Variants in SLC6A19 observed in about 807,000 individuals in gnomAD.
SLC6A19 encodes sodium-dependent neutral amino acid transporter B(0)AT1.
In SLC6A19, 67 loss-of-function variants were observed where a neutral mutation model predicts 68.3. The ratio of observed to expected loss-of-function variants is 0.98; its 90% confidence interval spans 0.81 to 1.20. The LOEUF is 1.20. Among genes scored for constraint, SLC6A19 ranks in the 50% most tolerant of loss-of-function variants. The pLI, the probability that SLC6A19 is intolerant of heterozygous loss-of-function variation, is 0.00. For missense variants in SLC6A19, 813 were observed against 851.6 expected (o/e 0.95, Z 0.56); for synonymous variants, 392 against 374.9 (o/e 1.05, Z -0.53).
intron 7 of SLC6A19, 39 bp downstream of exon 7, chr5:1,216,725 G>T (rs374706234): frequency 1.9e-6 from 3 of 1,613,472 alleles, no homozygotes; most frequent in Non-Finnish European, 2.5e-6. Context: ...CTTGGGCTGC[G>T]CCTCCAGGAA....
At chr5:1,220,795 C>A (rs1746355211) in intron 10 of SLC6A19, among the ~76,000 whole-genome samples, 1 of 152,204 alleles carries the variant, frequency 6.6e-6, no homozygotes, top group Non-Finnish European at 1.5e-5. Flanking sequence ...TTTCTGACTT[C>A]AGGGTGCTGC....
chr5:1,206,270 T>A (rs1325070940), intron 1 of SLC6A19, among the ~76,000 whole-genome samples: 2 of 152,086 alleles, frequency 1.3e-5, no homozygotes, highest in African/African-American at 4.8e-5. Context: ...GCCCTGTCTG[T>A]TTCTCTCCTC....
intron 1 of SLC6A19, among the ~76,000 whole-genome samples, chr5:1,204,333 C>T (rs1008515553): frequency 9.8e-5 from 15 of 152,328 alleles, no homozygotes; most frequent in Admixed American, 8.5e-4. Context: ...CAAACTCAGC[C>T]GCCCCACTCA....
chr5:1,201,762 A>T lies in SLC6A19; in HGVS notation c.112A>T (p.Lys38Ter), dbSNP rs1411775681. Residue 38 changes from lysine (K) to a stop codon, truncating the protein, a stop_gained, in exon 1 of 12, where the codon AAG (lysine) becomes TAG (stop). Coordinates refer to ENST00000304460, the MANE Select transcript of SLC6A19 (RefSeq NM_001003841.3). LOFTEE classifies it high-confidence loss of function. ...EASSRPKWDN[K>*]AQYMLTCLGF... ...CAGCTCCCGGCCGAAGTGGGACAACAAGGCGCAGTACATGCTCACCTGCCT... is the reference window on the plus strand; with the variant it reads ...CAGCTCCCGGCCGAAGTGGGACAACTAGGCGCAGTACATGCTCACCTGCCT... 3.7e-6 allele frequency: 6 copies of T among 1,612,692 alleles called. No homozygotes were observed. The highest frequency in any genetic ancestry group is 8.5e-7 in the Non-Finnish European group (1 of 1,179,918).
chr5:1,216,408 C>A, intron 6 of SLC6A19, 150 bp from the exon 7 acceptor site: 1 of 1,132,952 alleles, frequency 8.8e-7, no homozygotes, highest in Admixed American at 1.9e-5. Flanking sequence ...CGGAGTGGGG[C>A]AGGGGCTCCG....
chr5:1,206,987 C>G (rs912860936), intron 1 of SLC6A19, among the ~76,000 whole-genome samples: 7 of 152,194 alleles, frequency 4.6e-5, no homozygotes, highest in African/African-American at 1.7e-4. Flanking sequence ...TGTGCTCACC[C>G]CGGCTGCAGC....
At chr5:1,205,873 AG>A (rs1745837876) in intron 1 of SLC6A19, among the ~76,000 whole-genome samples, 1 of 152,148 alleles carries the variant, frequency 6.6e-6, no homozygotes, top group Non-Finnish European at 1.5e-5. Context: ...ACCCTCCCAT[AG>A]GGACCCGCTG....
Position 1,214,201 on chromosome 5 carries a change from C to T in SLC6A19, c.887+136C>T. On this transcript the variant is annotated intron_variant, in intron 6 of 11. Transcript: ENST00000304460. The surrounding 1 kb of genome is among the most constrained non-coding windows in gnomAD (Gnocchi z 7.4). ...GCTGCCCCGATGGGCCCGTTCCCTC[C>T]TGCTCGGGGTCCATGTGAGCTGAGT... is the stretch of plus-strand genomic sequence containing the variant. 1.3e-6 allele frequency: 2 copies of T among 1,492,656 alleles called. No individual in the cohort carries two copies. The highest frequency in any genetic ancestry group is 1.8e-6 in the Non-Finnish European group (2 of 1,112,980). 92.5% of individuals were successfully genotyped at this position (1,492,656 alleles called of 1,614,324 possible). A position where few individuals can be genotyped will look rare whatever the true frequency, so the allele number is the denominator to read the frequency against.
rs1161871537 is a variant in SLC6A19 at position 1,204,155 on chromosome 5, C to T, written c.202+2303C>T. On this transcript the variant is annotated intron_variant, in intron 1 of 11. Coordinates refer to ENST00000304460, the MANE Select transcript of SLC6A19 (RefSeq NM_001003841.3). Reference sequence around the variant, plus strand: ...GAGGGGAAGCAGGCAGCCAGGTCCTCCTGGTTCCCTCTTGGAAGCCTCCTG... The same window carrying T: ...GAGGGGAAGCAGGCAGCCAGGTCCTTCTGGTTCCCTCTTGGAAGCCTCCTG... Among the ~76,000 whole-genome samples the T allele has an allele frequency of 2.0e-5, 3 of 152,228 alleles. No homozygotes were observed. In the East Asian group the frequency reaches 5.8e-4, roughly 29 times the overall value.
At chr5:1,208,921 G>T in intron 2 of SLC6A19, 35 bp downstream of exon 2, 1 of 1,592,446 alleles carries the variant, frequency 6.3e-7, no homozygotes. Flanking sequence ...CCGGGCCCAG[G>T]GGTCGCCTCT....
At position 1,219,098 on chromosome 5, in the gene SLC6A19, G is replaced by A; in HGVS notation, c.1369G>A (p.Val457Met). 1 of 1,612,942 alleles carries A rather than the reference G, an allele frequency of 6.2e-7. No individual in the cohort carries two copies. Among genetic ancestry groups the A allele is most frequent in the Non-Finnish European group, 8.5e-7 (1 of 1,179,588 alleles). ...CATCCCCCCGAAGTGGCCCAAGGAG[G>A]TGCTCACAGGTACGTGTGCAGTCGG... ...RVIPPKWPKE[V>M]LTGLICLGTF... The change falls in exon 9 of 12, where the codon GTG becomes ATG. Residue 457 changes from valine (V) to methionine (M), a missense_variant. By Grantham distance (21) the Val-to-Met change is conservative. Coordinates refer to ENST00000304460, the MANE Select transcript of SLC6A19 (RefSeq NM_001003841.3).
rs754483645 is a variant in SLC6A19 at position 1,214,105 on chromosome 5, C to T, written c.887+40C>T. On this transcript the variant is annotated intron_variant, in intron 6 of 11. Transcript: ENST00000304460. This position sits in a 1 kb window ranked among gnomAD's most constrained non-coding sequence, Gnocchi z 7.4. ...GGTGGGCCTCAGTTTCCCTCTCAGT[C>T]CTGGGGGGATCTTGCTGGGAGGATA... is the stretch of plus-strand genomic sequence containing the variant. 5 of 1,613,204 alleles carry T rather than the reference C, an allele frequency of 3.1e-6. No individual in the cohort carries two copies. The South Asian group carries it at 4.4e-5, about 14-fold the overall frequency.
rs1746075602 is a variant in SLC6A19, at chr5:1,212,593, G to A, written c.663+109G>A. 7.1e-7 allele frequency: 1 copy of A among 1,409,286 alleles called. No individual in the cohort carries two copies. The highest frequency in any genetic ancestry group is 1.2e-5 in the South Asian group (1 of 84,442). 87.3% of individuals were successfully genotyped at this position (1,409,286 alleles called of 1,614,324 possible). ...CCCAGGTCTGGGGGTCCCGGGCTCTGCCTTTCCCCAGACCCCACCAAGAGA... is the reference window on the plus strand; with the variant it reads ...CCCAGGTCTGGGGGTCCCGGGCTCTACCTTTCCCCAGACCCCACCAAGAGA... On this transcript the variant is annotated intron_variant, in intron 4 of 11. Transcript: ENST00000304460. This position sits in a 1 kb window ranked among gnomAD's most constrained non-coding sequence, Gnocchi z 5.1.
chr5:1,202,468 G>A (rs1176655176), intron 1 of SLC6A19, among the ~76,000 whole-genome samples: 1 of 152,228 alleles, frequency 6.6e-6, no homozygotes, highest in Non-Finnish European at 1.5e-5. Flanking sequence ...TGCTGGCACA[G>A]AGGTGACATT....
rs535269617 is a variant in SLC6A19 at position 1,205,007 on chromosome 5, G to A, written c.202+3155G>A. 3.9e-5 allele frequency among the ~76,000 whole-genome samples: 6 copies of A among 152,286 alleles called. No individual in the cohort carries two copies. The South Asian group carries it at 6.2e-4, about 16-fold the overall frequency. On this transcript the variant is annotated intron_variant, in intron 1 of 11. Transcript: ENST00000304460. ...CTACTTTTTCAAGGACAGACAGGAG[G>A]AACTGTTTCTGTGCCCAGTGTCTCT...
rs189416078 is a variant in SLC6A19, at chr5:1,215,664, G to A, written c.888-894G>A. On this transcript the variant is annotated intron_variant, in intron 6 of 11. Coordinates refer to ENST00000304460, the MANE Select transcript of SLC6A19 (RefSeq NM_001003841.3). The surrounding 1 kb of genome is among the most constrained non-coding windows in gnomAD (Gnocchi z 5.1). ...ATATCCATCCATGGACATTTTCCAC[G>A]TTTTGGCTGTCATGAGTCATGCTGA... 2.5e-4 allele frequency among the ~76,000 whole-genome samples: 38 copies of A among 152,330 alleles called. No individual in the cohort carries two copies. Among genetic ancestry groups the A allele is most frequent in the South Asian group, 8.3e-4 (4 of 4,824 alleles).
In SLC6A19 at chr5:1,209,064, C is replaced by T. The variant is rs1345587838; in HGVS notation, c.343+178C>T. ...CCTGGAGGCCTTTGGAAACTCCAGG[C>T]CACTCCTGTTCACCAGGAACCAGAC... On this transcript the variant is annotated intron_variant, in intron 2 of 11. Coordinates refer to ENST00000304460, the MANE Select transcript of SLC6A19 (RefSeq NM_001003841.3). This position sits in a 1 kb window ranked among gnomAD's most constrained non-coding sequence, Gnocchi z 5.5. 6.6e-6 allele frequency among the ~76,000 whole-genome samples: 1 copy of T among 152,188 alleles called. No individual in the cohort carries two copies. The highest frequency in any genetic ancestry group is 1.5e-5 in the Non-Finnish European group (1 of 68,026).
chr5:1,208,314 C>T (rs1020115086), intron 1 of SLC6A19, among the ~76,000 whole-genome samples: 5 of 152,144 alleles, frequency 3.3e-5, no homozygotes, highest in Admixed American at 6.6e-5. Context: ...CTGGCACAGG[C>T]GGGGCAGGAG....
At chr5:1,208,633 T>G in intron 1 of SLC6A19, 113 bp from the exon 2 acceptor site, 5 of 1,425,392 alleles carry the variant, frequency 3.5e-6, no homozygotes, top group Non-Finnish European at 4.9e-6. Flanking sequence ...TGTTCCCAAG[T>G]GGTGGGCCGG....
Sources: allele counts gnomAD v4.1 joint callset (sites outside exome capture counted in the v4.1 genomes callset), GRCh38; gene constraint gnomAD v4.1.1; non-coding constraint Gnocchi (gnomAD v3.1); transcripts MANE v1.5; gene names NCBI Gene and HGNC (gene_info 2026-07-23, HGNC 2026-07-21).